CCDC175: variants seen among roughly 807,000 people sequenced by gnomAD.
The protein encoded by CCDC175 is coiled-coil domain containing 175.
Under a neutral mutation model 114.6 loss-of-function variants are expected in CCDC175, and 100 were observed. The observed-to-expected ratio is 0.87, with a 90% confidence interval of 0.74 to 1.03. The LOEUF (loss-of-function observed/expected upper bound fraction) is 1.03, where lower values mean the gene tolerates loss of function less well. CCDC175 is among the 50% of genes least tolerant of loss of function. The pLI, the probability that CCDC175 is intolerant of heterozygous loss-of-function variation, is 0.00. For missense variants in CCDC175, 880 were observed against 917.8 expected (o/e 0.96, Z 0.53); for synonymous variants, 306 against 308.7 (o/e 0.99, Z 0.09).
intron 7 of CCDC175, 64 bp from the exon 8 acceptor site, chr14:59,551,500 G>A (rs1895479402): frequency 3.9e-6 from 3 of 765,822 alleles, no homozygotes; most frequent in Admixed American, 3.2e-5. Context: ...AAGGCAAGGT[G>A]GCCAAATAGG....
intron 19 of CCDC175, among the ~76,000 whole-genome samples, chr14:59,508,565 C>CAAAAAAAA (rs565175219): frequency 2.7e-5 from 2 of 74,590 alleles, no homozygotes; most frequent in Non-Finnish European, 4.9e-5. Context: ...GGCCCTGTCT[C>CAAAAAAAA]AAAAAAAAAA....
intron 4 of CCDC175, 97 bp downstream of exon 4, chr14:59,568,148 G>T: frequency 8.1e-7 from 1 of 1,233,972 alleles, no homozygotes; most frequent in Non-Finnish European, 1.1e-6. Flanking sequence ...AACTCGCCCT[G>T]CCACAGTTCA....
At chr14:59,557,791 C>T (rs943080225) in intron 7 of CCDC175, among the ~76,000 whole-genome samples, 6 of 151,888 alleles carry the variant, frequency 4.0e-5, no homozygotes, top group Non-Finnish European at 8.8e-5. Context: ...TTTATTTATT[C>T]TTTCACTTAA....
At position 59,510,855 on chromosome 14, in the gene CCDC175, A is replaced by T. The variant is rs549961986; in HGVS notation, c.2143-47T>A. Reference sequence around the variant, plus strand: ...CTGTGTCAATATAAATTGCTACAACATAAATAAATACACATTCTAAGTGGA... The same window carrying T: ...CTGTGTCAATATAAATTGCTACAACTTAAATAAATACACATTCTAAGTGGA... On this transcript the variant is annotated intron_variant, in intron 18 of 19. Transcript: ENST00000537690. The T allele has an allele frequency of 2.0e-6, 3 of 1,478,692 alleles. No homozygotes were observed. The East Asian group carries it at 7.4e-5, about 37-fold the overall frequency. 91.6% of individuals were successfully genotyped at this position (1,478,692 alleles called of 1,614,324 possible).
Position 59,527,178 on chromosome 14 carries a change from T to C in CCDC175, c.1763-4A>G. ...AAATCTTCCTCCTGTCTTTGTGCTA[T>C]TAAAACAAAGAAAAAAATAACTACC... On this transcript the variant is annotated splice_polypyrimidine_tract_variant and splice_region_variant and intron_variant, in intron 14 of 19. Coordinates refer to ENST00000537690, the MANE Select transcript of CCDC175 (RefSeq NM_001164399.2). 1 of 1,448,148 alleles carries C rather than the reference T, an allele frequency of 6.9e-7. No individual in the cohort carries two copies. Among genetic ancestry groups the C allele is most frequent in the Non-Finnish European group, 9.1e-7 (1 of 1,099,352 alleles). The allele number at this position is 1,448,148 out of a possible 1,614,324, so 89.7% of individuals were successfully genotyped here.
intron 17 of CCDC175, 22 bp from the exon 18 acceptor site, chr14:59,511,825 T>C: frequency 6.8e-7 from 1 of 1,466,560 alleles, no homozygotes; most frequent in South Asian, 1.2e-5. Flanking sequence ...ATTTAAAAAA[T>C]ACAATGGTTA....
intron 18 of CCDC175, among the ~76,000 whole-genome samples, chr14:59,511,389 G>A (rs1169160114): frequency 6.6e-6 from 1 of 152,016 alleles, no homozygotes; most frequent in Non-Finnish European, 1.5e-5. Flanking sequence ...TGTTGCACTG[G>A]TAAAACATGA....
chr14:59,554,843 C>T (rs12147934), intron 7 of CCDC175, among the ~76,000 whole-genome samples: 38,790 of 151,502 alleles, frequency 0.26, 6,159 homozygotes, highest in Non-Finnish European at 0.34. Context: ...AACACCTCTA[C>T]GCAAATAAAC....
At chr14:59,538,983 T>C in intron 11 of CCDC175, 143 bp from the exon 12 acceptor site, 2 of 673,452 alleles carry the variant, frequency 3.0e-6, no homozygotes, top group South Asian at 5.2e-5. Flanking sequence ...ACACATTGCA[T>C]GAAAAAGTAA....
At chr14:59,524,977 T>G (rs1446074259) in intron 16 of CCDC175, among the ~76,000 whole-genome samples, 1 of 152,212 alleles carries the variant, frequency 6.6e-6, no homozygotes, top group African/African-American at 2.4e-5. Flanking sequence ...ATACCTATAA[T>G]GTTCCAAACC....
rs555852860 is a variant in CCDC175, at chr14:59,574,934, A to G, written c.243+9T>C. On this transcript the variant is annotated intron_variant, in intron 2 of 19. Coordinates refer to ENST00000537690, the MANE Select transcript of CCDC175 (RefSeq NM_001164399.2). Reference sequence around the variant, plus strand: ...ATTGAAGAAATGGTTCTTATAGATAATACAATACCAATTTCTTAACAGCTA... The same window carrying G: ...ATTGAAGAAATGGTTCTTATAGATAGTACAATACCAATTTCTTAACAGCTA... The G allele has an allele frequency of 1.0e-5, 14 of 1,370,048 alleles. No individual in the cohort carries two copies. The South Asian group carries it at 1.7e-4, about 16-fold the overall frequency. The allele number at this position is 1,370,048 out of a possible 1,614,324, so 84.9% of individuals were successfully genotyped here.
chr14:59,573,874 C>G lies in CCDC175; in HGVS notation c.244-1061G>C, dbSNP rs537048189. On this transcript the variant is annotated intron_variant, in intron 2 of 19. Transcript: ENST00000537690. ...AAGTGATCCACCCATCCTGGCCTCC[C>G]GGAGTGCTGGGATTACAGGCGTGAG... is the stretch of plus-strand genomic sequence containing the variant. 5.9e-3 allele frequency among the ~76,000 whole-genome samples: 897 copies of G among 152,240 alleles called. 13 individuals are homozygous for G. Among genetic ancestry groups the G allele is most frequent in the African/African-American group, 0.02 (818 of 41,540 alleles).
chr14:59,506,768 T>C (rs546245002), intron 19 of CCDC175, among the ~76,000 whole-genome samples: 64 of 152,312 alleles, frequency 4.2e-4, no homozygotes, highest in Non-Finnish European at 7.3e-4. Context: ...CTAGACTTAA[T>C]CAAAATGTAG....
chr14:59,506,739 A>T (rs1325664437), intron 19 of CCDC175, among the ~76,000 whole-genome samples: 2 of 152,198 alleles, frequency 1.3e-5, no homozygotes, highest in Non-Finnish European at 2.9e-5. Context: ...TTCTGCTTTA[A>T]TTATAAGGAG....
chr14:59,568,046 A>T (rs1179859995), intron 4 of CCDC175, among the ~76,000 whole-genome samples, 199 bp downstream of exon 4: 1 of 152,172 alleles, frequency 6.6e-6, no homozygotes, highest in African/African-American at 2.4e-5. Flanking sequence ...CTGTGGTTGA[A>T]GATTTTCTGC....
chr14:59,506,073 A>G lies in CCDC175; in HGVS notation c.2306-758T>C, dbSNP rs570261655. On this transcript the variant is annotated intron_variant, in intron 19 of 19. Coordinates refer to ENST00000537690, the MANE Select transcript of CCDC175 (RefSeq NM_001164399.2). ...CTTTGGATTTTTGGATTTTCAGACCAGGGATACTAAATCTGTGTTTTCTTG... is the reference window on the plus strand; with the variant it reads ...CTTTGGATTTTTGGATTTTCAGACCGGGGATACTAAATCTGTGTTTTCTTG... 2.6e-5 allele frequency among the ~76,000 whole-genome samples: 4 copies of G among 152,270 alleles called. 1 individual carries two copies. Among genetic ancestry groups the G allele is most frequent in the African/African-American group, 9.6e-5 (4 of 41,564 alleles).
chr14:59,556,875 T>A (rs1429598974), intron 7 of CCDC175, among the ~76,000 whole-genome samples: 1 of 152,126 alleles, frequency 6.6e-6, no homozygotes, highest in Non-Finnish European at 1.5e-5. Flanking sequence ...ATGCTCATCA[T>A]CACTGGCCAT....
At position 59,531,756 on chromosome 14, in the gene CCDC175, A is replaced by C; in HGVS notation, c.1762+16T>G. On this transcript the variant is annotated intron_variant, in intron 14 of 19. Transcript: ENST00000537690. ...TACCTGGGATTGAGTTTAATTACTAAATGCTTCATATGTACCTGTAATAAT... is the reference window on the plus strand; with the variant it reads ...TACCTGGGATTGAGTTTAATTACTACATGCTTCATATGTACCTGTAATAAT... 1 of 1,455,234 alleles carries C rather than the reference A, an allele frequency of 6.9e-7. No homozygotes were observed. Among genetic ancestry groups the C allele is most frequent in the African/African-American group, 1.4e-5 (1 of 69,656 alleles). The allele number at this position is 1,455,234 out of a possible 1,614,324, so 90.1% of individuals were successfully genotyped here.
chr14:59,557,162 C>T (rs1462413161), intron 7 of CCDC175, among the ~76,000 whole-genome samples: 1 of 152,102 alleles, frequency 6.6e-6, no homozygotes, highest in African/African-American at 2.4e-5. Context: ...AAGACACACG[C>T]ACACGTATGT....
Sources: allele counts gnomAD v4.1 joint callset (sites outside exome capture counted in the v4.1 genomes callset), GRCh38; gene constraint gnomAD v4.1.1; transcripts MANE v1.5; gene names NCBI Gene and HGNC (gene_info 2026-07-23, HGNC 2026-07-21).